DACH1: variants seen among roughly 807,000 people sequenced by gnomAD.
DACH1 encodes the protein dachshund family transcription factor 1.
DACH1 carries 12 observed loss-of-function variants against 54.2 expected under a neutral mutation model. The ratio of observed to expected loss-of-function variants is 0.22; its 90% CI spans 0.14 to 0.36. The LOEUF is 0.36. Among genes scored for constraint, DACH1 ranks in the 10% least tolerant of loss-of-function variants. The pLI, the probability that DACH1 is intolerant of heterozygous loss-of-function variation, is 1.00. For synonymous variants in DACH1, 386 were observed against 366.2 expected (o/e 1.05, Z -0.62); for missense variants, 805 against 929.8 (o/e 0.87, Z 1.75).
chr13:71,816,085 C>A (rs539229595), intron 1 of DACH1, among the ~76,000 whole-genome samples: 4,974 of 145,396 alleles, frequency 0.034, 258 homozygotes, highest in African/African-American at 0.12. Flanking sequence ...ACTCCGTCTC[C>A]AAAAAAAAAT....
intron 1 of DACH1, among the ~76,000 whole-genome samples, chr13:71,791,345 G>C (rs1266945109): frequency 2.6e-5 from 4 of 152,098 alleles, no homozygotes. Flanking sequence ...TAAAATAAGA[G>C]GGTGGAGCTA....
At chr13:71,579,526 CA>C (rs1327344409) in intron 3 of DACH1, among the ~76,000 whole-genome samples, 1 of 152,022 alleles carries the variant, frequency 6.6e-6, no homozygotes, top group African/African-American at 2.4e-5. Context: ...TTACTAAAAA[CA>C]ATGGCTTCTT....
intron 10 of DACH1, among the ~76,000 whole-genome samples, chr13:71,451,426 G>A (rs758766107): frequency 1.3e-5 from 2 of 152,074 alleles, no homozygotes; most frequent in Non-Finnish European, 2.9e-5. Context: ...CATGGAAAGG[G>A]CTCAATAAAA....
chr13:71,837,261 T>A (rs1179655531), intron 1 of DACH1, among the ~76,000 whole-genome samples: 1 of 152,150 alleles, frequency 6.6e-6, no homozygotes, highest in Non-Finnish European at 1.5e-5. Context: ...TAAAAGCATT[T>A]ATTTCCTTGA....
chr13:71,518,288 C>A (rs565393057), intron 6 of DACH1, among the ~76,000 whole-genome samples: 53 of 151,668 alleles, frequency 3.5e-4, no homozygotes, highest in African/African-American at 1.2e-3. Flanking sequence ...AGAGGAAAGG[C>A]CATATGAGGA....
chr13:71,501,527 T>C (rs534079918), intron 6 of DACH1, among the ~76,000 whole-genome samples: 169 of 152,216 alleles, frequency 1.1e-3, no homozygotes, highest in African/African-American at 3.8e-3. Flanking sequence ...GCTTCAAAAA[T>C]CTCTGGAAGA....
chr13:71,598,235 T>C (rs1218189649), intron 3 of DACH1, among the ~76,000 whole-genome samples: 2 of 152,186 alleles, frequency 1.3e-5, no homozygotes, highest in South Asian at 2.1e-4. Flanking sequence ...AATATTTTGA[T>C]AAATGTTGCA....
intron 1 of DACH1, among the ~76,000 whole-genome samples, chr13:71,748,248 C>T (rs745941385): frequency 1.6e-4 from 24 of 151,448 alleles, no homozygotes; most frequent in East Asian, 3.9e-4. Context: ...AACATTGTCT[C>T]TGCTCAGCAA....
intron 1 of DACH1, among the ~76,000 whole-genome samples, chr13:71,782,597 T>C (rs1214291372): frequency 6.6e-6 from 1 of 152,172 alleles, no homozygotes. Flanking sequence ...TTAAAGTGAA[T>C]AGTTTCTTTA....
intron 1 of DACH1, among the ~76,000 whole-genome samples, chr13:71,865,019 G>C (rs1018999803): frequency 2.6e-5 from 4 of 152,182 alleles, no homozygotes; most frequent in Non-Finnish European, 5.9e-5. Flanking sequence ...GAGAGATCGA[G>C]AGAGAGCGCG....
chr13:71,574,486 T>C (rs2138418888), intron 3 of DACH1, among the ~76,000 whole-genome samples: 1 of 152,270 alleles, frequency 6.6e-6, no homozygotes, highest in African/African-American at 2.4e-5. Flanking sequence ...TTTAATGCTT[T>C]AGCTCTGCTA....
intron 1 of DACH1, among the ~76,000 whole-genome samples, chr13:71,841,015 G>T (rs1872802188): frequency 6.6e-6 from 1 of 152,124 alleles, no homozygotes; most frequent in Admixed American, 6.5e-5. Context: ...GTATGTTTTA[G>T]AAGAAGCCTA....
intron 5 of DACH1, 39 bp downstream of exon 5, chr13:71,559,781 A>G (rs1305157593): frequency 1.2e-6 from 2 of 1,613,062 alleles, no homozygotes; most frequent in Non-Finnish European, 1.7e-6. Flanking sequence ...GAACCCTAAT[A>G]AAGTTTAAAA....
intron 1 of DACH1, among the ~76,000 whole-genome samples, chr13:71,764,401 A>G (rs1378273703): frequency 6.6e-6 from 1 of 152,174 alleles, no homozygotes; most frequent in Non-Finnish European, 1.5e-5. Flanking sequence ...GTGAGAGCCC[A>G]TATTAAAAAA....
chr13:71,826,981 A>G (rs910103504), intron 1 of DACH1, among the ~76,000 whole-genome samples: 6 of 152,138 alleles, frequency 3.9e-5, no homozygotes, highest in Non-Finnish European at 7.4e-5. Context: ...AAGACATTCA[A>G]ATTCCACTAG....
chr13:71,783,841 T>G (rs374482347), intron 1 of DACH1, among the ~76,000 whole-genome samples: 21 of 137,182 alleles, frequency 1.5e-4, no homozygotes, highest in East Asian at 1.2e-3. Context: ...TGATTTAAGG[T>G]TTTTTTTTTG....
chr13:71,836,211 A>G (rs1031699510), intron 1 of DACH1, among the ~76,000 whole-genome samples: 1 of 152,046 alleles, frequency 6.6e-6, no homozygotes, highest in African/African-American at 2.4e-5. Context: ...GATATTTCTC[A>G]TTAGAGAGAA....
chr13:71,525,343 G>T (rs1881881482), intron 6 of DACH1, among the ~76,000 whole-genome samples: 1 of 151,982 alleles, frequency 6.6e-6, no homozygotes, highest in African/African-American at 2.4e-5. Flanking sequence ...GAGAATCAAA[G>T]AAATCTTTTT....
At chr13:71,835,487 G>T (rs1888748879) in intron 1 of DACH1, among the ~76,000 whole-genome samples, 1 of 152,012 alleles carries the variant, frequency 6.6e-6, no homozygotes, top group African/African-American at 2.4e-5. Flanking sequence ...AGGTAATTTT[G>T]TCTTGTCTCC....
Sources: allele counts gnomAD v4.1 joint callset (sites outside exome capture counted in the v4.1 genomes callset), GRCh38; gene constraint gnomAD v4.1.1; transcripts MANE v1.5; gene names NCBI Gene and HGNC (gene_info 2026-07-23, HGNC 2026-07-21).